FNIP1: variants seen among roughly 807,000 people sequenced by gnomAD.
FNIP1 encodes the protein folliculin interacting protein 1, also known as folliculin-interacting protein 1.
FNIP1 carries 40 observed loss-of-function variants against 124.5 expected under a neutral mutation model. The ratio of observed to expected loss-of-function variants is 0.32; its 90% CI spans 0.25 to 0.42. FNIP1 has a LOEUF of 0.42. Ranked by LOEUF, FNIP1 falls within the 10% of genes least tolerant of loss-of-function variation. The pLI is 1.00. For synonymous variants in FNIP1, 472 were observed against 470.6 expected (o/e 1.00, Z -0.04); for missense variants, 1,176 against 1,403.7 (o/e 0.84, Z 2.59).
intron 11 of FNIP1, among the ~76,000 whole-genome samples, chr5:131,697,063 A>G (rs1768721488): frequency 6.6e-6 from 1 of 152,138 alleles, no homozygotes. Context: ...CATGCCTACA[A>G]TTTCATCATA....
intron 6 of FNIP1, among the ~76,000 whole-genome samples, chr5:131,713,829 GAC>G (rs1769380554): frequency 6.6e-6 from 1 of 152,144 alleles, no homozygotes; most frequent in African/African-American, 2.4e-5. Context: ...TATCCCCACT[GAC>G]ACTAATTTAC....
intron 15 of FNIP1, among the ~76,000 whole-genome samples, chr5:131,660,239 C>T (rs948407101): frequency 1.3e-5 from 2 of 152,104 alleles, no homozygotes; most frequent in African/African-American, 4.8e-5. Context: ...TTGCCCAAAA[C>T]TCAACTGCTT....
At chr5:131,727,061 C>T (rs1233505635) in intron 3 of FNIP1, among the ~76,000 whole-genome samples, 3 of 152,170 alleles carry the variant, frequency 2.0e-5, no homozygotes, top group African/African-American at 7.2e-5. Context: ...GAGTGTTTTA[C>T]TTCCAATTAT....
chr5:131,748,885 G>T (rs1473692509), intron 1 of FNIP1, among the ~76,000 whole-genome samples: 1 of 152,052 alleles, frequency 6.6e-6, no homozygotes, highest in Non-Finnish European at 1.5e-5. Context: ...TTCCATGTGT[G>T]TTATTACTCC....
chr5:131,734,413 G>A (rs1345334026), intron 2 of FNIP1, among the ~76,000 whole-genome samples: 1 of 151,984 alleles, frequency 6.6e-6, no homozygotes, highest in Non-Finnish European at 1.5e-5. Context: ...TTTTAATCAT[G>A]TCTACATCAC....
intron 8 of FNIP1, among the ~76,000 whole-genome samples, chr5:131,707,966 T>G (rs593766): frequency 0.78 from 118,653 of 151,386 alleles, 46,723 homozygotes; most frequent in African/African-American, 0.83. Flanking sequence ...CGAAGCAAAG[T>G]TTATTAAAAG....
chr5:131,716,747 A>G, intron 5 of FNIP1, 91 bp from the exon 6 acceptor site: 1 of 701,722 alleles, frequency 1.4e-6, no homozygotes, highest in East Asian at 2.9e-5. Flanking sequence ...TAAGTGCAAA[A>G]ACAGTTTCTT....
At chr5:131,790,331 AG>A (rs1199229436) in intron 1 of FNIP1, among the ~76,000 whole-genome samples, 1 of 152,128 alleles carries the variant, frequency 6.6e-6, no homozygotes, top group Non-Finnish European at 1.5e-5. Context: ...ATAAAAAATT[AG>A]CCAGCCATGA....
At chr5:131,788,694 C>CAAAAAAAAAAAA (rs10715343) in intron 1 of FNIP1, among the ~76,000 whole-genome samples, 1 of 58,132 alleles carries the variant, frequency 1.7e-5, no homozygotes, top group African/African-American at 5.3e-5. Context: ...GACTCTGTCT[C>CAAAAAAAAAAAA]AAAAAAAAAA....
intron 15 of FNIP1, among the ~76,000 whole-genome samples, chr5:131,653,563 A>C (rs1473486077): frequency 6.6e-6 from 1 of 151,642 alleles, no homozygotes; most frequent in Non-Finnish European, 1.5e-5. Flanking sequence ...GTCACTATAC[A>C]TACAGTTATG....
At chr5:131,751,672 C>T (rs1296217459) in intron 1 of FNIP1, among the ~76,000 whole-genome samples, 1 of 151,516 alleles carries the variant, frequency 6.6e-6, no homozygotes, top group African/African-American at 2.4e-5. Context: ...TATGTCAATA[C>T]AATGGAGTAT....
chr5:131,709,773 AAT>A (rs2149536156), intron 7 of FNIP1, among the ~76,000 whole-genome samples: 1 of 152,298 alleles, frequency 6.6e-6, no homozygotes, highest in Admixed American at 6.5e-5. Flanking sequence ...TAAAATGGCT[AAT>A]ATATATTTTT....
At chr5:131,743,366 G>A (rs1316954492) in intron 2 of FNIP1, among the ~76,000 whole-genome samples, 3 of 151,786 alleles carry the variant, frequency 2.0e-5, no homozygotes, top group Non-Finnish European at 4.4e-5. Context: ...TGAGAAGAGA[G>A]TCAATGTATT....
At chr5:131,713,873 C>T (rs1457342122) in intron 6 of FNIP1, among the ~76,000 whole-genome samples, 1 of 152,216 alleles carries the variant, frequency 6.6e-6, no homozygotes, top group Non-Finnish European at 1.5e-5. Flanking sequence ...TTTGGAGTAA[C>T]ATGATCAGCC....
intron 15 of FNIP1, among the ~76,000 whole-genome samples, chr5:131,660,730 C>A (rs930730322): frequency 1.3e-5 from 2 of 152,120 alleles, no homozygotes; most frequent in South Asian, 4.1e-4. Context: ...CAGGAAGAAC[C>A]CCTGGGCAGT....
intron 2 of FNIP1, among the ~76,000 whole-genome samples, chr5:131,738,675 CT>C (rs531654045): frequency 8.1e-5 from 12 of 147,464 alleles, no homozygotes; most frequent in South Asian, 2.2e-4. Context: ...AATTTTTGTA[CT>C]TTTTTTTTTA....
At position 131,671,496 on chromosome 5, in the gene FNIP1, C is replaced by T; in HGVS notation, c.2939+9G>A. The T allele has an allele frequency of 6.3e-7, 1 of 1,597,272 alleles. No individual in the cohort carries two copies. On this transcript the variant is annotated intron_variant, in intron 14 of 17. Coordinates refer to ENST00000510461, the MANE Select transcript of FNIP1 (RefSeq NM_133372.3). ...TAGGGCCCATTATAGGTGAAAACTT[C>T]CTACTTACCCAGGAAAAGGTATCTC...
rs200907142 is a variant in FNIP1 at position 131,785,198 on chromosome 5, C to CTA, written c.92+11630_92+11631dup. ...TATATCATATATATGATATATATGA[C>CTA]TATATATATATCATAACGCTATTGG... is the stretch of plus-strand genomic sequence containing the variant. On this transcript the variant is annotated intron_variant, in intron 1 of 17. Coordinates refer to ENST00000510461, the MANE Select transcript of FNIP1 (RefSeq NM_133372.3). Among the ~76,000 whole-genome samples, 13 of 138,984 alleles carry CTA rather than the reference C, an allele frequency of 9.4e-5. 1 individual carries two copies. The highest frequency in any genetic ancestry group is 2.0e-4 in the Non-Finnish European group (13 of 64,344). 91.2% of individuals were successfully genotyped at this position (138,984 alleles called of 152,430 possible).
intron 1 of FNIP1, among the ~76,000 whole-genome samples, chr5:131,776,136 T>C (rs1771796668): frequency 6.6e-6 from 1 of 152,202 alleles, no homozygotes; most frequent in Non-Finnish European, 1.5e-5. Flanking sequence ...TTTAAAATGG[T>C]AAATTTGTAG....
Sources: gnomAD v4.1 joint callset for allele counts (sites outside exome capture counted in the v4.1 genomes callset) on GRCh38, gnomAD v4.1.1 for gene constraint, MANE v1.5 for transcripts, NCBI Gene and HGNC (gene_info 2026-07-23, HGNC 2026-07-21) for gene names.